Variants in LRRN1 observed in about 807,000 individuals in gnomAD.
The protein encoded by LRRN1 is leucine-rich repeat neuronal protein 1.
A neutral mutation model predicts 45.8 loss-of-function variants in LRRN1; 14 were observed. The ratio of observed to expected loss-of-function variants is 0.31; its 90% CI spans 0.20 to 0.48. The LOEUF is 0.48. LRRN1 is among the 20% of genes least tolerant of loss of function. LRRN1 has a pLI of 0.99. For missense variants in LRRN1, 789 were observed against 874.2 expected (o/e 0.90, Z 1.23); for synonymous variants, 359 against 330.1 (o/e 1.09, Z -0.95).
In LRRN1 at chr3:3,840,097, AT is replaced by A. The variant is rs1489153359; in HGVS notation, c.-278-4263del. On this transcript the variant is annotated intron_variant, in intron 1 of 1. Coordinates refer to ENST00000319331, the MANE Select transcript of LRRN1 (RefSeq NM_020873.7). ...TTTCAGTTTTTTGCTATTAAGAATC[AT>A]TTTAACTGTGGACTTTTCATATGTG... Among the ~76,000 whole-genome samples the A allele has an allele frequency of 2.0e-5, 3 of 152,166 alleles. No individual in the cohort carries two copies. The East Asian group carries it at 5.8e-4, about 29-fold the overall frequency.
chr3:3,835,538 T>A (rs1693490675), intron 1 of LRRN1, among the ~76,000 whole-genome samples: 1 of 151,460 alleles, frequency 6.6e-6, no homozygotes, highest in South Asian at 2.1e-4. Flanking sequence ...ACAGAACACT[T>A]GATTCCTCCA....
chr3:3,808,733 C>A (rs979122729), intron 1 of LRRN1, among the ~76,000 whole-genome samples: 3 of 152,198 alleles, frequency 2.0e-5, no homozygotes, highest in Admixed American at 6.5e-5. Context: ...GCTCTCTTAG[C>A]CCATTCCACT....
intron 1 of LRRN1, among the ~76,000 whole-genome samples, chr3:3,831,012 G>A (rs2166068): frequency 0.97 from 147,610 of 152,266 alleles, 71,705 homozygotes; most frequent in East Asian, 1. Context: ...CAGCATCCCT[G>A]TCTGCCACTG....
intron 1 of LRRN1, among the ~76,000 whole-genome samples, chr3:3,819,832 G>A (rs1017729445): frequency 6.6e-6 from 1 of 152,176 alleles, no homozygotes; most frequent in Admixed American, 6.5e-5. Context: ...TACACTGATG[G>A]TAAATGGTGT....
Position 3,816,546 on chromosome 3 carries a change from AT to A in LRRN1, c.-279+16628del, listed in dbSNP as rs1346231617. The stretch of plus-strand genomic sequence containing the variant: ...CAGGGCTTTCAATTAAGAAAAAAAA[AT>A]ATTCCAATATGAGTTCATTATTAGG... On this transcript the variant is annotated intron_variant, in intron 1 of 1. Coordinates refer to ENST00000319331, the MANE Select transcript of LRRN1 (RefSeq NM_020873.7). The surrounding 1 kb of genome is among the most constrained non-coding windows in gnomAD (Gnocchi z 4.0). Among the ~76,000 whole-genome samples, 6 of 152,184 alleles carry A rather than the reference AT, an allele frequency of 3.9e-5. No homozygotes were observed. Among genetic ancestry groups the A allele is most frequent in the African/African-American group, 9.6e-5 (4 of 41,452 alleles).
intron 1 of LRRN1, among the ~76,000 whole-genome samples, chr3:3,842,070 G>A (rs1337219002): frequency 6.6e-6 from 1 of 152,114 alleles, no homozygotes; most frequent in Non-Finnish European, 1.5e-5. Context: ...AACCTGTATA[G>A]CATGTTACTA....
chr3:3,844,567 A>C lies in LRRN1; in HGVS notation c.-75A>C. ...GTTTACATTTTCTGCTCGCTGTCCT[A>C]CATATCACAATATAGTGTTCACGTT... On this transcript the variant is annotated 5_prime_UTR_variant, in exon 2 of 2. Transcript: ENST00000319331. The C allele has an allele frequency of 9.0e-7, 1 of 1,112,786 alleles. No individual in the cohort carries two copies. The highest frequency in any genetic ancestry group is 1.3e-6 in the Non-Finnish European group (1 of 768,186). 68.9% of individuals were successfully genotyped at this position (1,112,786 alleles called of 1,614,324 possible). A position where few individuals can be genotyped will look rare whatever the true frequency, so the allele number is the denominator to read the frequency against.
chr3:3,848,803 T>C lies in LRRN1; in HGVS notation c.*2011T>C, dbSNP rs993363232. Among the ~76,000 whole-genome samples, 13 of 152,286 alleles carry C rather than the reference T, an allele frequency of 8.5e-5. No homozygotes were observed. The highest frequency in any genetic ancestry group is 3.1e-4 in the African/African-American group (13 of 41,570). On this transcript the variant is annotated 3_prime_UTR_variant, in exon 2 of 2. Transcript: ENST00000319331. Reference sequence around the variant, plus strand: ...ATTGATTGTTCTAGGCCCGGCAGCCTGTTAGGTTCCTGTGCAGGGCCCCTC... The same window carrying C: ...ATTGATTGTTCTAGGCCCGGCAGCCCGTTAGGTTCCTGTGCAGGGCCCCTC...
chr3:3,838,601 A>G (rs1693578075), intron 1 of LRRN1, among the ~76,000 whole-genome samples: 1 of 152,180 alleles, frequency 6.6e-6, no homozygotes, highest in Admixed American at 6.5e-5. Flanking sequence ...AGAAATCACT[A>G]TATTGTTTTC....
intron 1 of LRRN1, among the ~76,000 whole-genome samples, chr3:3,821,322 T>C (rs74322090): frequency 0.016 from 2,459 of 152,326 alleles, 64 homozygotes; most frequent in African/African-American, 0.056. Flanking sequence ...GGAGCTACCA[T>C]GCTAGGCAGT....
intron 1 of LRRN1, among the ~76,000 whole-genome samples, chr3:3,840,437 T>A (rs908545067): frequency 1.3e-5 from 2 of 152,228 alleles, no homozygotes; most frequent in African/African-American, 4.8e-5. Flanking sequence ...ATTTAAACAC[T>A]ATTGGCGAGT....
chr3:3,806,024 G>C (rs1692744093), intron 1 of LRRN1, among the ~76,000 whole-genome samples: 1 of 151,848 alleles, frequency 6.6e-6, no homozygotes, highest in Non-Finnish European at 1.5e-5. Flanking sequence ...AACCAAGGGT[G>C]ATTTTTGCCT....
At position 3,827,519 on chromosome 3, in the gene LRRN1, A is replaced by C. The variant is rs114525725; in HGVS notation, c.-278-16845A>C. On this transcript the variant is annotated intron_variant, in intron 1 of 1. Coordinates refer to ENST00000319331, the MANE Select transcript of LRRN1 (RefSeq NM_020873.7). ...CTATTTTTCTTAAACTCTGTAAGGC[A>C]AGAAGGAAATCTTGGTTGAACAAAA... 6.2e-3 allele frequency: 2,840 copies of C among 456,182 alleles called. 64 individuals carry two copies. The highest frequency in any genetic ancestry group is 0.05 in the African/African-American group (2,509 of 50,182). The allele number at this position is 456,182 out of a possible 1,614,324, so 28.3% of individuals were successfully genotyped here.
chr3:3,806,925 TC>T (rs1343632641), intron 1 of LRRN1, among the ~76,000 whole-genome samples: 9 of 152,192 alleles, frequency 5.9e-5, no homozygotes, highest in African/African-American at 2.2e-4. Context: ...GGGTCACCCA[TC>T]TAGGGGGAGA....
Position 3,816,767 on chromosome 3 carries a change from C to T in LRRN1, c.-279+16848C>T, listed in dbSNP as rs951508297. Among the ~76,000 whole-genome samples the T allele has an allele frequency of 3.3e-5, 5 of 152,226 alleles. No homozygotes were observed. Among genetic ancestry groups the T allele is most frequent in the African/African-American group, 4.8e-5 (2 of 41,546 alleles). The stretch of plus-strand genomic sequence containing the variant: ...CGCTCTACAAGTTAGCTTTCTTCTA[C>T]GTGTCTAAAAGAAGGCTGCAATGTA... On this transcript the variant is annotated intron_variant, in intron 1 of 1. Transcript: ENST00000319331. The surrounding 1 kb of genome is among the most constrained non-coding windows in gnomAD (Gnocchi z 4.0).
At chr3:3,835,340 A>T (rs1243172567) in intron 1 of LRRN1, among the ~76,000 whole-genome samples, 1 of 152,218 alleles carries the variant, frequency 6.6e-6, no homozygotes. Flanking sequence ...ATGTAATTGA[A>T]CACTGCAGTG....
intron 1 of LRRN1, among the ~76,000 whole-genome samples, chr3:3,827,088 C>T (rs540370531): frequency 7.0e-4 from 107 of 152,274 alleles, no homozygotes; most frequent in African/African-American, 2.5e-3. Flanking sequence ...TAGTAGCTAA[C>T]ATCTACTCGG....
intron 1 of LRRN1, among the ~76,000 whole-genome samples, chr3:3,840,529 A>G (rs1693627123): frequency 6.6e-6 from 1 of 152,232 alleles, no homozygotes; most frequent in African/African-American, 2.4e-5. Flanking sequence ...GTATAATGTC[A>G]CATTAAAAAA....
intron 1 of LRRN1, among the ~76,000 whole-genome samples, chr3:3,815,430 A>G (rs909120648): frequency 2.0e-5 from 3 of 152,150 alleles, no homozygotes; most frequent in African/African-American, 4.8e-5. Flanking sequence ...ATTCATTTCT[A>G]TCATTCCTGT....
Sources: gnomAD v4.1 joint callset for allele counts (sites outside exome capture counted in the v4.1 genomes callset) on GRCh38, gnomAD v4.1.1 for gene constraint, Gnocchi (gnomAD v3.1) non-coding constraint, MANE v1.5 for transcripts, NCBI Gene and HGNC (gene_info 2026-07-23, HGNC 2026-07-21) for gene names.